The following DAP variants were observed in gnomAD, a reference collection of about 807,000 sequenced individuals.
DAP encodes the protein death-associated protein 1.
In DAP, 8 loss-of-function variants were observed where a neutral mutation model predicts 13.8. That is an observed-to-expected ratio of 0.58 (90% CI 0.34 to 1.05). The LOEUF is 1.05. Among genes scored for constraint, DAP ranks in the 50% least tolerant of loss-of-function variants. The probability of loss-of-function intolerance (pLI) is 0.03; values close to 1 mark genes in which losing one functional copy is unlikely to be tolerated. For synonymous variants in DAP, 47 were observed against 47.5 expected (o/e 0.99, Z 0.04); for missense variants, 106 against 133.2 (o/e 0.80, Z 1.01).
Position 10,707,201 on chromosome 5 carries a change from A to G in DAP, c.153-23630T>C, listed in dbSNP as rs571771137. On this transcript the variant is annotated intron_variant, in intron 2 of 3. Transcript: ENST00000230895. This position sits in a 1 kb window ranked among gnomAD's most constrained non-coding sequence, Gnocchi z 4.0. ...TATGAAGGGGAAGGCCAAGGTGCTA[A>G]AGGAGCACACAGCAGGGGTTTAAAC... Among the ~76,000 whole-genome samples, 3 of 152,324 alleles carry G rather than the reference A, an allele frequency of 2.0e-5. No homozygotes were observed. In the East Asian group the frequency reaches 5.8e-4, roughly 29 times the overall value.
At chr5:10,747,630 A>C (rs1383232446) in intron 2 of DAP, among the ~76,000 whole-genome samples, 1 of 152,212 alleles carries the variant, frequency 6.6e-6, no homozygotes, top group Non-Finnish European at 1.5e-5. Context: ...TAAGTTGCAA[A>C]CTACTGCCCA....
chr5:10,750,405 G>C (rs548001698), intron 1 of DAP, among the ~76,000 whole-genome samples: 3 of 152,216 alleles, frequency 2.0e-5, no homozygotes, highest in Non-Finnish European at 2.9e-5. Context: ...GTTAGAAAAG[G>C]GCAAAAGAGA....
chr5:10,734,235 T>C (rs982430666), intron 2 of DAP: 1 of 152,196 alleles, frequency 6.6e-6, no homozygotes, highest in Non-Finnish European at 1.5e-5. Context: ...CCGGTGTAGA[T>C]AGGAGTGTGG....
At chr5:10,693,031 G>C (rs1738341030) in intron 2 of DAP, among the ~76,000 whole-genome samples, 1 of 152,018 alleles carries the variant, frequency 6.6e-6, no homozygotes, top group South Asian at 2.1e-4. Flanking sequence ...CATCTGACTG[G>C]TCAGCCTCTT....
At chr5:10,706,858 G>T (rs1738709430) in intron 2 of DAP, among the ~76,000 whole-genome samples, 1 of 152,044 alleles carries the variant, frequency 6.6e-6, no homozygotes, top group South Asian at 2.1e-4. Flanking sequence ...TTCCAGAAAA[G>T]CCCAGAAAAA....
intron 2 of DAP, among the ~76,000 whole-genome samples, chr5:10,732,436 C>T (rs1739488860): frequency 6.6e-6 from 1 of 152,204 alleles, no homozygotes; most frequent in African/African-American, 2.4e-5. Context: ...ATATAAATGG[C>T]CTTGTTGAAT....
At chr5:10,694,004 A>C (rs1388911982) in intron 2 of DAP, among the ~76,000 whole-genome samples, 1 of 152,140 alleles carries the variant, frequency 6.6e-6, no homozygotes, top group East Asian at 1.9e-4. Flanking sequence ...GAGAGGCTGG[A>C]ACCTTGCTTG....
At chr5:10,690,195 A>G (rs968310830) in intron 2 of DAP, among the ~76,000 whole-genome samples, 6 of 152,096 alleles carry the variant, frequency 3.9e-5, no homozygotes, top group African/African-American at 1.4e-4. Context: ...AAGTGACAGG[A>G]CACCAGACTG....
At chr5:10,727,937 T>C (rs1739333563) in intron 2 of DAP, among the ~76,000 whole-genome samples, 1 of 152,240 alleles carries the variant, frequency 6.6e-6, no homozygotes, top group Non-Finnish European at 1.5e-5. Context: ...TAAATAGCTG[T>C]TATCCTGTAT....
At chr5:10,691,106 G>A (rs1251862598) in intron 2 of DAP, among the ~76,000 whole-genome samples, 1 of 152,162 alleles carries the variant, frequency 6.6e-6, no homozygotes, top group Non-Finnish European at 1.5e-5. Flanking sequence ...ATTCATTAAA[G>A]GTCTTTATGA....
intron 2 of DAP, among the ~76,000 whole-genome samples, chr5:10,723,635 G>C (rs1465490261): frequency 2.0e-5 from 3 of 152,208 alleles, no homozygotes; most frequent in African/African-American, 7.2e-5. Context: ...TAAAGAAAAA[G>C]GCAGCATGTT....
At chr5:10,760,757 A>C (rs1740322305) in intron 1 of DAP, among the ~76,000 whole-genome samples, 1 of 152,188 alleles carries the variant, frequency 6.6e-6, no homozygotes, top group South Asian at 2.1e-4. Flanking sequence ...GCGCAATCGC[A>C]CAGGTACGCG....
chr5:10,686,730 A>C (rs1030757898), intron 2 of DAP, among the ~76,000 whole-genome samples: 1 of 152,242 alleles, frequency 6.6e-6, no homozygotes, highest in Non-Finnish European at 1.5e-5. Flanking sequence ...TCTCCAGAAG[A>C]TAAAAGTGCA....
intron 2 of DAP, among the ~76,000 whole-genome samples, chr5:10,696,035 G>A (rs1738430891): frequency 6.6e-6 from 1 of 152,074 alleles, no homozygotes; most frequent in South Asian, 2.1e-4. Flanking sequence ...TCTAGACACA[G>A]CTCCAGAAAG....
chr5:10,708,464 C>G (rs1435029046), intron 2 of DAP, among the ~76,000 whole-genome samples: 1 of 128,030 alleles, frequency 7.8e-6, no homozygotes, highest in African/African-American at 2.8e-5. Context: ...CACACACACA[C>G]GCACATATCT....
chr5:10,680,186 TATCTG>T lies in DAP; in HGVS notation c.*865_*869del. On this transcript the variant is annotated 3_prime_UTR_variant, in exon 4 of 4. Coordinates refer to ENST00000230895, the MANE Select transcript of DAP (RefSeq NM_004394.3). The stretch of plus-strand genomic sequence containing the variant: ...CTAGGGAGACAAAGGGCAGGTTTCT[TATCTG>T]GTCTTTCCAAGCTTTCAACTCTCTG... The T allele has an allele frequency of 6.4e-6, 1 of 156,404 alleles. No homozygotes were observed. Among genetic ancestry groups the T allele is most frequent in the Non-Finnish European group, 1.4e-5 (1 of 70,650 alleles). The allele number at this position is 156,404 out of a possible 1,614,324, so 9.7% of individuals were successfully genotyped here.
Position 10,713,041 on chromosome 5 carries a change from C to T in DAP, c.153-29470G>A, listed in dbSNP as rs376302040. ...GAGGGAAAACCAACCAACCAGCCGA[C>T]CAACCAGCCAACCAACCAGCCAACC... On this transcript the variant is annotated intron_variant, in intron 2 of 3. Coordinates refer to ENST00000230895, the MANE Select transcript of DAP (RefSeq NM_004394.3). 4.7e-3 allele frequency among the ~76,000 whole-genome samples: 593 copies of T among 126,546 alleles called. 4 individuals carry two copies. Among genetic ancestry groups the T allele is most frequent in the African/African-American group, 0.019 (543 of 28,356 alleles). 83.0% of individuals were successfully genotyped at this position (126,546 alleles called of 152,430 possible). A position where few individuals can be genotyped will look rare whatever the true frequency, so the allele number is the denominator to read the frequency against.
chr5:10,703,938 A>G (rs1360205707), intron 2 of DAP, among the ~76,000 whole-genome samples: 1 of 152,224 alleles, frequency 6.6e-6, no homozygotes, highest in Non-Finnish European at 1.5e-5. Context: ...GCAGCGGTGA[A>G]GAGGGGGAGA....
chr5:10,682,571 G>A (rs552299684), intron 3 of DAP, among the ~76,000 whole-genome samples: 2 of 151,920 alleles, frequency 1.3e-5, no homozygotes, highest in Admixed American at 6.6e-5. Context: ...GCAGTTGTAT[G>A]TGAGGAAGCC....
Sources: allele counts gnomAD v4.1 joint callset (sites outside exome capture counted in the v4.1 genomes callset), GRCh38; gene constraint gnomAD v4.1.1; non-coding constraint Gnocchi (gnomAD v3.1); transcripts MANE v1.5; gene names NCBI Gene and HGNC (gene_info 2026-07-23, HGNC 2026-07-21).